PTK2: variants seen among roughly 807,000 people sequenced by gnomAD.
The protein encoded by PTK2 is focal adhesion kinase 1.
PTK2 carries 45 observed loss-of-function variants against 150.1 expected under a neutral mutation model. The ratio of observed to expected loss-of-function variants is 0.30; its 90% confidence interval spans 0.24 to 0.38. PTK2 has a LOEUF of 0.38. Among genes scored for constraint, PTK2 ranks in the 10% least tolerant of loss-of-function variants. The probability of loss-of-function intolerance (pLI) is 1.00; values close to 1 mark genes in which losing one functional copy is unlikely to be tolerated. For missense variants in PTK2, 919 were observed against 1,307.3 expected, an observed-to-expected ratio of 0.70 and a Z score of 4.58; for synonymous variants, 432 against 449.2, an observed-to-expected ratio of 0.96 and a Z score of 0.48.
chr8:140,792,312 C>A (rs1408215754), intron 13 of PTK2, among the ~76,000 whole-genome samples: 1 of 152,218 alleles, frequency 6.6e-6, no homozygotes, highest in Non-Finnish European at 1.5e-5. Flanking sequence ...TCAATAAAAA[C>A]CCTAGGCACC....
chr8:140,942,563 C>T (rs1003890910), intron 1 of PTK2, among the ~76,000 whole-genome samples: 6 of 152,016 alleles, frequency 3.9e-5, no homozygotes, highest in African/African-American at 1.4e-4. Context: ...TTTGGTGGTA[C>T]CTAATCCAGA....
At chr8:140,803,628 G>C (rs2154594502) in exon 11 of PTK2, 1 of 1,613,872 alleles carries the variant, frequency 6.2e-7, no homozygotes, top group Non-Finnish European at 8.5e-7. Flanking sequence ...TTGCACTTGA[G>C]TGAAGTCAGC....
chr8:140,861,027 A>C (rs979231953), intron 5 of PTK2, among the ~76,000 whole-genome samples: 5 of 152,184 alleles, frequency 3.3e-5, no homozygotes, highest in African/African-American at 1.2e-4. Flanking sequence ...AATGTTTTAG[A>C]ATTATTTTTT....
At chr8:140,806,928 C>T (rs1001555018) in intron 10 of PTK2, among the ~76,000 whole-genome samples, 9 of 152,230 alleles carry the variant, frequency 5.9e-5, no homozygotes, top group African/African-American at 1.7e-4. Flanking sequence ...TACTCTCTCA[C>T]GCCACCCTAC....
chr8:140,838,975 C>T (rs1359665698), intron 7 of PTK2, among the ~76,000 whole-genome samples: 2 of 149,262 alleles, frequency 1.3e-5, no homozygotes, highest in African/African-American at 2.5e-5. Context: ...CACTGCACTC[C>T]AGCCTGGGCA....
At chr8:140,927,975 A>AAAAAAAAAAAAAAAAAATATATAT in intron 1 of PTK2, among the ~76,000 whole-genome samples, 1 of 48,194 alleles carries the variant, frequency 2.1e-5, no homozygotes, top group Non-Finnish European at 3.4e-5. Flanking sequence ...AAAAAAAAAA[A>AAAAAAAAAAAAAAAAAATATATAT]ATATATATAT....
At chr8:140,700,840 G>GA (rs1308792630) in intron 26 of PTK2, 51 bp downstream of exon 29, 1 of 1,596,938 alleles carries the variant, frequency 6.3e-7, no homozygotes, top group East Asian at 2.2e-5. Flanking sequence ...CAATATAGTA[G>GA]ACTCTAACAG....
intron 13 of PTK2, 29 bp from the exon 14 acceptor site, chr8:140,789,555 C>T: frequency 6.2e-7 from 1 of 1,608,700 alleles, no homozygotes; most frequent in South Asian, 1.1e-5. Context: ...AAGCTGTAAG[C>T]CCTGCAATTT....
At chr8:140,957,042 C>T (rs2100181445) in intron 1 of PTK2, among the ~76,000 whole-genome samples, 1 of 151,976 alleles carries the variant, frequency 6.6e-6, no homozygotes, top group African/African-American at 2.4e-5. Context: ...GCCTGGGCAA[C>T]AAGAGCAAAA....
At chr8:140,727,766 G>A (rs2100046803) in intron 22 of PTK2, among the ~76,000 whole-genome samples, 1 of 152,138 alleles carries the variant, frequency 6.6e-6, no homozygotes, top group African/African-American at 2.4e-5. Flanking sequence ...TCAAAAAGAT[G>A]TGCTTGGTAT....
intron 5 of PTK2, among the ~76,000 whole-genome samples, chr8:140,857,009 C>CAGTACATCT (rs1360649291): frequency 1.3e-5 from 2 of 152,124 alleles, no homozygotes; most frequent in East Asian, 3.8e-4. Flanking sequence ...TTCAACACTG[C>CAGTACATCT]AGTACATCTG....
chr8:140,795,014 C>T (rs914225053), intron 12 of PTK2, among the ~76,000 whole-genome samples: 13 of 152,156 alleles, frequency 8.5e-5, no homozygotes, highest in African/African-American at 3.1e-4. Context: ...TTGCTGCTCC[C>T]CAATCCATAC....
chr8:140,959,374 CAAAAA>C (rs1177295670), intron 1 of PTK2, among the ~76,000 whole-genome samples: 3 of 121,894 alleles, frequency 2.5e-5, no homozygotes, highest in Non-Finnish European at 5.3e-5. Flanking sequence ...ACTAAAAATA[CAAAAA>C]AAAAAAAAAA....
At chr8:140,687,888 C>T (rs2100020909) in intron 26 of PTK2, among the ~76,000 whole-genome samples, 1 of 152,144 alleles carries the variant, frequency 6.6e-6, no homozygotes, top group South Asian at 2.1e-4. Flanking sequence ...TGCCTTCTTC[C>T]TCCCTTCCCC....
chr8:140,794,016 G>A (rs2100090115), intron 12 of PTK2, among the ~76,000 whole-genome samples: 2 of 152,298 alleles, frequency 1.3e-5, no homozygotes, highest in Admixed American at 6.5e-5. Flanking sequence ...GTTCAATGGT[G>A]AGGGAAACGC....
intron 14 of PTK2, among the ~76,000 whole-genome samples, chr8:140,776,585 C>T (rs2100078581): frequency 6.6e-6 from 1 of 152,106 alleles, no homozygotes. Context: ...AAAAATAACC[C>T]CAAGGATAAT....
chr8:140,677,370 C>T (rs1282587937), intron 27 of PTK2, among the ~76,000 whole-genome samples: 1 of 152,134 alleles, frequency 6.6e-6, no homozygotes, highest in Non-Finnish European at 1.5e-5. Flanking sequence ...AAACCACAGC[C>T]CAGAACTTCT....
At chr8:140,795,747 T>C (rs1426169845) in intron 12 of PTK2, among the ~76,000 whole-genome samples, 3 of 152,204 alleles carry the variant, frequency 2.0e-5, no homozygotes, top group Non-Finnish European at 4.4e-5. Context: ...CAACTACATG[T>C]TGAAAGCATG....
chr8:140,919,305 A>C (rs1489381430), intron 2 of PTK2, among the ~76,000 whole-genome samples: 1 of 152,168 alleles, frequency 6.6e-6, no homozygotes, highest in Non-Finnish European at 1.5e-5. Context: ...AAATAGTTGT[A>C]CTCATTTGCT....
Sources: gnomAD v4.1 joint callset for allele counts (sites outside exome capture counted in the v4.1 genomes callset) on GRCh38, gnomAD v4.1.1 for gene constraint, MANE v1.5 for transcripts, NCBI Gene and HGNC (gene_info 2026-07-23, HGNC 2026-07-21) for gene names.